Variants in TJP1 observed in about 807,000 individuals in gnomAD.
TJP1 encodes the protein tight junction protein 1, also known as tight junction protein ZO-1.
In TJP1, 43 loss-of-function variants were observed where a neutral mutation model predicts 194.2. The ratio of observed to expected loss-of-function variants is 0.22; its 90% CI spans 0.17 to 0.29. TJP1 has a LOEUF of 0.29. Among genes scored for constraint, TJP1 ranks in the 10% least tolerant of loss-of-function variants. TJP1 has a pLI of 1.00. For synonymous variants in TJP1, 801 were observed against 779.0 expected, an observed-to-expected ratio of 1.03 and a Z score of -0.47; for missense variants, 1,971 against 2,185.7, an observed-to-expected ratio of 0.90 and a Z score of 1.96.
intron 7 of TJP1, 124 bp downstream of exon 7, chr15:29,761,477 C>T (rs1054046134): frequency 7.4e-7 from 1 of 1,342,514 alleles, no homozygotes; most frequent in South Asian, 1.5e-5. Flanking sequence ...GTATATAAAA[C>T]TTATAGATTT....
intron 2 of TJP1, among the ~76,000 whole-genome samples, chr15:29,888,647 A>G (rs1044402692): frequency 6.6e-6 from 1 of 152,250 alleles, no homozygotes; most frequent in Non-Finnish European, 1.5e-5. Context: ...GAGCAACACA[A>G]AAACATTCTG....
intron 2 of TJP1, among the ~76,000 whole-genome samples, chr15:29,856,680 A>T (rs369795143): frequency 3.3e-5 from 5 of 152,176 alleles, no homozygotes; most frequent in African/African-American, 1.2e-4. Context: ...TCTTAAAAAA[A>T]TATGTGGGTG....
chr15:29,949,660 C>T (rs1265768667), intron 2 of TJP1, among the ~76,000 whole-genome samples: 62 of 120,200 alleles, frequency 5.2e-4, no homozygotes, highest in African/African-American at 1.6e-3. Flanking sequence ...CCACCTCCAC[C>T]TCCACAACCA....
In TJP1 at chr15:29,842,665, A is replaced by C. The variant is rs139233231; in HGVS notation, c.307-41963T>G. Among the ~76,000 whole-genome samples the C allele has an allele frequency of 3.4e-3, 512 of 152,336 alleles. 4 individuals carry two copies. Among genetic ancestry groups the C allele is most frequent in the African/African-American group, 0.012 (489 of 41,574 alleles). On this transcript the variant is annotated intron_variant, in intron 2 of 28. Coordinates refer to the TJP1 transcript ENST00000356107. ...TGTTGTAAGAAAATGACATTGAATG[A>C]AATGATGTTATTCAAGAACCTGCTG...
chr15:29,719,830 T>C lies in TJP1; in HGVS notation c.2950A>G (p.Ile984Val), dbSNP rs1332170443. 6.8e-6 allele frequency: 11 copies of C among 1,614,086 alleles called. No individual in the cohort carries two copies. Among genetic ancestry groups the C allele is most frequent in the Non-Finnish European group, 8.5e-6 (10 of 1,180,032 alleles). Residue 984 changes from isoleucine to valine, a missense_variant, in exon 20 of 28, where the codon ATA becomes GTA. By Grantham distance (29) the Ile-to-Val change is conservative (BLOSUM62 3). Coordinates refer to ENST00000614355, the MANE Select transcript of TJP1 (RefSeq NM_001330239.4). ...LRTPSTEAAHIMLRDQEPSLS... is the reference protein window; with the variant it reads ...LRTPSTEAAHVMLRDQEPSLS... ...GATGGTTCTTGATCTCTTAGCATTA[T>C]GTGAGCTGCCTCAGTACTTGGTGTT... is the stretch of plus-strand genomic sequence containing the variant.
rs2042733959 is a variant in TJP1 at position 29,718,701 on chromosome 15, T to C, written c.3441A>G (p.Glu1147=). Residue 1147 remains glutamate (E), a synonymous_variant, in exon 21 of 28, where the codon GAA becomes GAG. Coordinates refer to ENST00000614355, the MANE Select transcript of TJP1 (RefSeq NM_001330239.4). ...GCAGGGCGGATGCTCTAGGTGCCTG[T>C]TCGTAACGTGGTCTGCTGTCGTAAG... ...PLSYDSRPRY[E]QAPRASALRH... 2 of 1,614,138 alleles carry C rather than the reference T, an allele frequency of 1.2e-6. No individual in the cohort carries two copies. Among genetic ancestry groups the C allele is most frequent in the Admixed American group, 1.7e-5 (1 of 60,006 alleles).
At chr15:29,732,872 G>C (rs1595680058) in intron 13 of TJP1, 57 bp from the exon 14 acceptor site, 10 of 1,462,858 alleles carry the variant, frequency 6.8e-6, no homozygotes, top group Middle Eastern at 1.8e-4. Context: ...AATGGAAAAA[G>C]ACCCACAATG....
intron 1 of TJP1, among the ~76,000 whole-genome samples, chr15:29,812,856 T>C (rs965279051): frequency 6.6e-6 from 1 of 152,196 alleles, no homozygotes; most frequent in African/African-American, 2.4e-5. Flanking sequence ...TTTTGACACA[T>C]ATTTCTCACA....
chr15:29,838,346 A>G (rs767855878), intron 2 of TJP1, among the ~76,000 whole-genome samples: 65 of 152,088 alleles, frequency 4.3e-4, no homozygotes, highest in Non-Finnish European at 8.5e-4. Context: ...AATTGCTTGA[A>G]CCCAGGAGGC....
intron 1 of TJP1, among the ~76,000 whole-genome samples, chr15:29,961,774 C>G (rs1233319532): frequency 6.6e-6 from 1 of 152,138 alleles, no homozygotes; most frequent in African/African-American, 2.4e-5. Context: ...ACTGCAGCCT[C>G]CACCATCATA....
chr15:29,934,020 T>G (rs1055922421), intron 2 of TJP1, among the ~76,000 whole-genome samples: 1 of 148,004 alleles, frequency 6.8e-6, no homozygotes, highest in East Asian at 2.2e-4. Flanking sequence ...TAAGGGCTTA[T>G]AAGAGACGAA....
At chr15:29,950,171 A>ACCAC (rs2055673421) in intron 2 of TJP1, among the ~76,000 whole-genome samples, 3 of 92,852 alleles carry the variant, frequency 3.2e-5, no homozygotes, top group Non-Finnish European at 4.4e-5. Context: ...CACCACAACC[A>ACCAC]CTACCTCCAC....
At chr15:29,947,275 C>A (rs975835073) in intron 2 of TJP1, among the ~76,000 whole-genome samples, 7 of 152,100 alleles carry the variant, frequency 4.6e-5, no homozygotes, top group Admixed American at 3.3e-4. Context: ...CCATGGCAAA[C>A]CGATTTATCT....
chr15:29,886,319 T>A (rs185278433), intron 2 of TJP1, among the ~76,000 whole-genome samples: 1 of 152,152 alleles, frequency 6.6e-6, no homozygotes, highest in East Asian at 1.9e-4. Context: ...ATTTAAAAAA[T>A]TTTCAGATTC....
chr15:29,964,723 A>C (rs945098747), intron 1 of TJP1, among the ~76,000 whole-genome samples: 12 of 152,214 alleles, frequency 7.9e-5, no homozygotes, highest in Non-Finnish European at 1.5e-4. Flanking sequence ...GGTGTCCCCC[A>C]AAGGAAGCCA....
intron 1 of TJP1, among the ~76,000 whole-genome samples, chr15:29,807,275 A>C (rs952572392): frequency 6.6e-6 from 1 of 152,242 alleles, no homozygotes; most frequent in African/African-American, 2.4e-5. Context: ...AAGCTGCTAC[A>C]TTAGCTATAA....
chr15:29,827,469 G>A (rs572854510), upstream of TJP1, among the ~76,000 whole-genome samples: 31 of 152,284 alleles, frequency 2.0e-4, no homozygotes, highest in Admixed American at 1.6e-3. Context: ...GCCTGGGGAT[G>A]GGATCCTCTC....
intron 15 of TJP1, among the ~76,000 whole-genome samples, chr15:29,730,553 A>G (rs1293831472): frequency 2.0e-5 from 3 of 151,894 alleles, no homozygotes; most frequent in South Asian, 4.2e-4. Flanking sequence ...GCAATGATCT[A>G]ACCACTGCAC....
At chr15:29,820,675 C>T in intron 1 of TJP1, 1 of 633,072 alleles carries the variant, frequency 1.6e-6, no homozygotes, top group Middle Eastern at 2.5e-4. Context: ...GCCTTTCCTC[C>T]TAGGAAAGAA....
Sources: gnomAD v4.1 joint callset for allele counts (sites outside exome capture counted in the v4.1 genomes callset) on GRCh38, gnomAD v4.1.1 for gene constraint, MANE v1.5 for transcripts, NCBI Gene and HGNC (gene_info 2026-07-23, HGNC 2026-07-21) for gene names.